Variants in ZNF618 observed in about 807,000 individuals in gnomAD.
ZNF618 encodes zinc finger protein 618, also known as neural precursor cell expressed, developmentally down-regulated 10.
In ZNF618, 34 loss-of-function variants were observed where a neutral mutation model predicts 103.0. The ratio of observed to expected loss-of-function variants is 0.33; its 90% CI spans 0.25 to 0.44. The LOEUF (loss-of-function observed/expected upper bound fraction) is 0.44. Among genes scored for constraint, ZNF618 ranks in the 20% least tolerant of loss-of-function variants. The pLI, the probability that ZNF618 is intolerant of heterozygous loss-of-function variation, is 1.00. For synonymous variants in ZNF618, 551 were observed against 542.2 expected (o/e 1.02, Z -0.23); for missense variants, 1,059 against 1,295.4 (o/e 0.82, Z 2.80).
At chr9:114,040,638 T>C (rs1391680672) in intron 13 of ZNF618, among the ~76,000 whole-genome samples, 4 of 152,216 alleles carry the variant, frequency 2.6e-5, no homozygotes, top group South Asian at 2.1e-4. Context: ...GCTTCATCCA[T>C]GTCCCTACAA....
chr9:113,900,658 T>C (rs1180626030), intron 1 of ZNF618, among the ~76,000 whole-genome samples: 1 of 147,828 alleles, frequency 6.8e-6, no homozygotes, highest in East Asian at 2.0e-4. Flanking sequence ...TCCCGTCTCC[T>C]AGCACCGTCC....
At chr9:114,030,789 A>C (rs910112614) in intron 11 of ZNF618, 2 of 152,214 alleles carry the variant, frequency 1.3e-5, no homozygotes, top group Non-Finnish European at 2.9e-5. Flanking sequence ...CTGGTGCTGC[A>C]TGTTGATTTT....
chr9:113,988,224 G>A, intron 2 of ZNF618, 97 bp from the exon 3 acceptor site: 1 of 1,460,576 alleles, frequency 6.8e-7, no homozygotes, highest in Non-Finnish European at 9.1e-7. Flanking sequence ...AATTCACTAT[G>A]CACACAGCCT....
At chr9:113,913,681 G>C (rs1427527077) in intron 1 of ZNF618, among the ~76,000 whole-genome samples, 1 of 148,354 alleles carries the variant, frequency 6.7e-6, no homozygotes, top group African/African-American at 2.5e-5. Context: ...GTCTATCTTT[G>C]GTCAGATCTT....
intron 11 of ZNF618, 38 bp downstream of exon 11, chr9:114,029,010 C>T (rs1056764683): frequency 6.5e-7 from 1 of 1,531,194 alleles, no homozygotes; most frequent in African/African-American, 1.4e-5. Flanking sequence ...CTTTCTCCCC[C>T]ACTGCCCTTC....
At chr9:113,994,927 G>GT (rs914213613) in intron 3 of ZNF618, among the ~76,000 whole-genome samples, 4 of 145,782 alleles carry the variant, frequency 2.7e-5, no homozygotes, top group African/African-American at 7.6e-5. Context: ...AGGATATTGT[G>GT]TAAAAAAAAA....
chr9:114,040,234 T>C (rs1194036300), intron 13 of ZNF618, among the ~76,000 whole-genome samples: 2 of 152,130 alleles, frequency 1.3e-5, no homozygotes, highest in Admixed American at 6.5e-5. Context: ...AGAGTTGAAG[T>C]AGCCAATTCA....
At chr9:113,916,959 T>G (rs1228177323) in intron 1 of ZNF618, among the ~76,000 whole-genome samples, 1 of 152,170 alleles carries the variant, frequency 6.6e-6, no homozygotes, top group Non-Finnish European at 1.5e-5. Flanking sequence ...GATGCTACTC[T>G]GCCAAGCCTT....
chr9:113,912,251 C>T (rs951148059), intron 1 of ZNF618, among the ~76,000 whole-genome samples: 1 of 152,166 alleles, frequency 6.6e-6, no homozygotes, highest in Non-Finnish European at 1.5e-5. Context: ...CTGCCCCTGT[C>T]CCCTGAGAAC....
chr9:113,956,662 G>A (rs1588147466), intron 1 of ZNF618, among the ~76,000 whole-genome samples: 2 of 152,294 alleles, frequency 1.3e-5, no homozygotes, highest in African/African-American at 2.4e-5. Context: ...GTTCTTAGGT[G>A]TGCTCAGGCA....
At chr9:113,932,346 T>C (rs923603942) in intron 1 of ZNF618, among the ~76,000 whole-genome samples, 1 of 151,972 alleles carries the variant, frequency 6.6e-6, no homozygotes, top group African/African-American at 2.4e-5. Context: ...GTGCGGCTGG[T>C]TAGGCAGGGG....
chr9:114,028,455 G>A lies in ZNF618; in HGVS notation c.845-278G>A, dbSNP rs1843707855. ...GTTAACCAATTCAGATGCCCTAAGA[G>A]CCAGTCAGTCCAGAGACTGGGCTGG... On this transcript the variant is annotated intron_variant, in intron 10 of 14. Coordinates refer to ENST00000374126, the MANE Select transcript of ZNF618 (RefSeq NM_001318042.2). 4 of 469,912 alleles carry A rather than the reference G, an allele frequency of 8.5e-6. No individual in the cohort carries two copies. In the East Asian group the frequency reaches 1.4e-4, roughly 16 times the overall value. The allele number at this position is 469,912 out of a possible 1,614,324, so 29.1% of individuals were successfully genotyped here. A position where few individuals can be genotyped will look rare whatever the true frequency, so the allele number is the denominator to read the frequency against.
chr9:113,993,226 G>A (rs7036201), intron 3 of ZNF618, among the ~76,000 whole-genome samples: 89,354 of 151,652 alleles, frequency 0.59, 26,777 homozygotes, highest in Middle Eastern at 0.73. Context: ...TGCTCCTGCC[G>A]TGCCAAGGGC....
Position 114,016,658 on chromosome 9 carries a change from T to C in ZNF618, c.755-37T>C, listed in dbSNP as rs780862162. The C allele has an allele frequency of 1.4e-5, 22 of 1,568,664 alleles. 1 individual carries two copies. The highest frequency in any genetic ancestry group is 1.3e-4 in the East Asian group (6 of 44,554). ...GCTGATGCTTCTTGGTGGAGGCCAG[T>C]TGCACATTCTTACACCTTCGTTTCC... is the stretch of plus-strand genomic sequence containing the variant. On this transcript the variant is annotated intron_variant, in intron 9 of 14. Coordinates refer to ENST00000374126, the MANE Select transcript of ZNF618 (RefSeq NM_001318042.2).
At chr9:113,994,238 A>G (rs948303975) in intron 3 of ZNF618, among the ~76,000 whole-genome samples, 1 of 152,246 alleles carries the variant, frequency 6.6e-6, no homozygotes, top group African/African-American at 2.4e-5. Context: ...TCATTCAGAC[A>G]CAGCCACGTG....
intron 4 of ZNF618, among the ~76,000 whole-genome samples, chr9:114,000,872 T>C (rs1284644738): frequency 6.6e-6 from 1 of 152,226 alleles, no homozygotes; most frequent in East Asian, 1.9e-4. Context: ...TTAAGACTCT[T>C]ATCCCAGGTC....
At chr9:114,011,060 G>A (rs1173228769) in intron 9 of ZNF618, among the ~76,000 whole-genome samples, 2 of 152,102 alleles carry the variant, frequency 1.3e-5, no homozygotes, top group Admixed American at 1.3e-4. Flanking sequence ...AGGGAGACCT[G>A]TTACTGAGAA....
Position 114,049,146 on chromosome 9 carries a change from A to G in ZNF618, c.1844A>G (p.Tyr615Cys). 1 of 1,613,828 alleles carries G rather than the reference A, an allele frequency of 6.2e-7. No homozygotes were observed. The highest frequency in any genetic ancestry group is 2.2e-5 in the East Asian group (1 of 44,884). Residue 615 changes from tyrosine (Y) to cysteine (C), a missense_variant, in exon 15 of 15, where the codon TAC becomes TGC. Around this residue, in one of 6 missense-constraint regions of ZNF618, gnomAD observed 272 missense variants for 380.1 expected, o/e 0.72. Transcript: ENST00000374126. Reference protein sequence around the residue: ...EFVMSEIRTVYVTDCRVSTSA... With the variant: ...EFVMSEIRTVCVTDCRVSTSA... Reference sequence around the variant, plus strand: ...GTGATGTCGGAGATCAGGACAGTGTACGTGACGGATTGCCGGGTGAGCACG... The same window carrying G: ...GTGATGTCGGAGATCAGGACAGTGTGCGTGACGGATTGCCGGGTGAGCACG...
intron 1 of ZNF618, among the ~76,000 whole-genome samples, chr9:113,917,082 G>A (rs1389186413): frequency 6.6e-6 from 1 of 152,094 alleles, no homozygotes; most frequent in Non-Finnish European, 1.5e-5. Flanking sequence ...CCACAGTTCA[G>A]TCTGACTTTG....
Sources: allele counts gnomAD v4.1 joint callset (sites outside exome capture counted in the v4.1 genomes callset), GRCh38; gene constraint gnomAD v4.1.1; regional missense constraint gnomAD v4.1.1; transcripts MANE v1.5; gene names NCBI Gene and HGNC (gene_info 2026-07-23, HGNC 2026-07-21).